Variants in MORN2 observed in about 807,000 individuals in gnomAD.
MORN2 encodes MORN repeat-containing protein 2.
In MORN2, 15 loss-of-function variants were observed where a neutral mutation model predicts 13.4. That is an observed-to-expected ratio of 1.12 (90% CI 0.75 to 1.72). The LOEUF is 1.72. MORN2 is among the 40% of genes most tolerant of loss of function. MORN2 has a pLI of 0.00. For synonymous variants in MORN2, 46 were observed against 43.6 expected (o/e 1.06, Z -0.22); for missense variants, 168 against 134.6 (o/e 1.25, Z -1.23).
rs1665751231 is a variant in MORN2 at position 38,880,595 on chromosome 2, T to G, written c.110-5T>G. 3 of 1,514,348 alleles carry G rather than the reference T, an allele frequency of 2.0e-6. No individual in the cohort carries two copies. In the South Asian group the frequency reaches 3.8e-5, roughly 19 times the overall value. The allele number at this position is 1,514,348 out of a possible 1,614,324, so 93.8% of individuals were successfully genotyped here. On this transcript the variant is annotated splice_polypyrimidine_tract_variant and splice_region_variant and intron_variant, in intron 2 of 4. Transcript: ENST00000644631. ...TATAATCTTCAGTTTTTCTCCTCTG[T>G]TTAGATGGTGACTGTACAAGAACAT...
At chr2:38,880,259 T>C in intron 2 of MORN2, 30 bp downstream of exon 2, 1 of 399,388 alleles carries the variant, frequency 2.5e-6, no homozygotes, top group Non-Finnish European at 4.4e-6. Context: ...ACTTTTTCTG[T>C]ATAGAAAATT....
At position 38,882,492 on chromosome 2, in the gene MORN2, C is replaced by A; in HGVS notation, c.433C>A (p.Leu145Met). The change falls in exon 5 of 5, where the codon CTG becomes ATG. Residue 145 changes from leucine (L) to methionine (M), a missense_variant. Transcript: ENST00000644631. ...CTTTCATTTTACAGCTGCTCCAGAC[C>A]TGAAATTAAAGCTTCACATGTAGAT... 6.5e-7 allele frequency: 1 copy of A among 1,549,860 alleles called. No individual in the cohort carries two copies. The highest frequency in any genetic ancestry group is 8.7e-7 in the Non-Finnish European group (1 of 1,145,834).
At chr2:38,881,640 T>C in intron 4 of MORN2, 62 bp downstream of exon 4, 2 of 1,216,728 alleles carry the variant, frequency 1.6e-6, no homozygotes, top group Non-Finnish European at 1.1e-6. Context: ...GTATGTTTGC[T>C]TAAATACTTA....
Position 38,881,597 on chromosome 2 carries a change from A to T in MORN2, c.353+19A>T. ...AAAATAGGTAAGCTTAAAATAAAAA[A>T]AAATCACTGCATTTCTAAAAGATTA... On this transcript the variant is annotated intron_variant, in intron 4 of 4. Coordinates refer to ENST00000644631, the MANE Select transcript of MORN2 (RefSeq NM_001145450.3). The T allele has an allele frequency of 6.8e-7, 1 of 1,467,266 alleles. No homozygotes were observed. The highest frequency in any genetic ancestry group is 9.1e-7 in the Non-Finnish European group (1 of 1,103,224). The allele number at this position is 1,467,266 out of a possible 1,614,324, so 90.9% of individuals were successfully genotyped here. A position where few individuals can be genotyped will look rare whatever the true frequency, so the allele number is the denominator to read the frequency against.
intron 1 of MORN2, among the ~76,000 whole-genome samples, chr2:38,878,026 G>A (rs1367173288): frequency 1.3e-5 from 2 of 151,944 alleles, no homozygotes; most frequent in African/African-American, 4.8e-5. Context: ...GAACTCCTAG[G>A]CTCAAGCAAC....
chr2:38,881,029 G>T (rs1462885642), intron 3 of MORN2, among the ~76,000 whole-genome samples: 2 of 152,138 alleles, frequency 1.3e-5, no homozygotes, highest in African/African-American at 2.4e-5. Flanking sequence ...TCAGGCTCAG[G>T]TTTCTTGCCC....
chr2:38,882,496 A>C lies in MORN2; in HGVS notation c.437A>C (p.Lys146Thr), dbSNP rs1203109004. The C allele has an allele frequency of 4.5e-6, 7 of 1,549,914 alleles. No homozygotes were observed. Among genetic ancestry groups the C allele is most frequent in the Non-Finnish European group, 6.1e-6 (7 of 1,145,850 alleles). Residue 146 changes from lysine (K) to threonine (T), a missense_variant, in exon 5 of 5, where the codon AAA becomes ACA. By Grantham distance (78) the Lys-to-Thr change is moderately conservative (BLOSUM62 -1). Transcript: ENST00000644631. ...CATTTTACAGCTGCTCCAGACCTGA[A>C]ATTAAAGCTTCACATGTAGATGTGA... is the stretch of plus-strand genomic sequence containing the variant.
intron 2 of MORN2, 121 bp downstream of exon 2, chr2:38,880,350 A>G (rs1665747093): frequency 5.0e-6 from 2 of 398,796 alleles, no homozygotes; most frequent in African/African-American, 2.1e-5. Context: ...AACTAAAATA[A>G]CAGAAATCCT....
chr2:38,876,836 T>G (rs1193513447), intron 1 of MORN2, among the ~76,000 whole-genome samples: 1 of 152,210 alleles, frequency 6.6e-6, no homozygotes, highest in Non-Finnish European at 1.5e-5. Context: ...TTAACTAGAT[T>G]AGCTCATTTA....
In MORN2 at chr2:38,880,635, G is replaced by T; in HGVS notation, c.145G>T (p.Glu49Ter). 1 of 1,543,478 alleles carries T rather than the reference G, an allele frequency of 6.5e-7. No homozygotes were observed. Among genetic ancestry groups the T allele is most frequent in the Non-Finnish European group, 8.7e-7 (1 of 1,144,206 alleles). ...TACAAGAACATCTTCTGGAATCTAC[G>T]AGAGAAATGGAATAGGTATTCATAC... The change falls in exon 3 of 5, where the codon GAG becomes TAG. Residue 49 changes from glutamate (E) to a stop codon, truncating the protein, a stop_gained. Transcript: ENST00000644631. LOFTEE classifies it high-confidence loss of function.
At chr2:38,882,218 TG>T (rs1445218939) in intron 4 of MORN2, among the ~76,000 whole-genome samples, 194 bp from the exon 5 acceptor site, 1 of 149,206 alleles carries the variant, frequency 6.7e-6, no homozygotes, top group African/African-American at 2.5e-5. Flanking sequence ...GAATAGTATG[TG>T]GTTTTTTTTT....
Position 38,881,383 on chromosome 2 carries a change from T to A in MORN2, c.217-59T>A, listed in dbSNP as rs1312329859. 5 of 1,448,790 alleles carry A rather than the reference T, an allele frequency of 3.5e-6. No homozygotes were observed. In the African/African-American group the frequency reaches 7.3e-5, roughly 21 times the overall value. 89.7% of individuals were successfully genotyped at this position (1,448,790 alleles called of 1,614,324 possible). On this transcript the variant is annotated intron_variant, in intron 3 of 4. Transcript: ENST00000644631. ...GATAGACTTATATTTGTACATTTTT[T>A]AAAGGTTCTTGGGAAACTGAAGATT...
chr2:38,876,615 G>A (rs1406628755), intron 1 of MORN2, among the ~76,000 whole-genome samples: 1 of 152,178 alleles, frequency 6.6e-6, no homozygotes, highest in Non-Finnish European at 1.5e-5. Context: ...GGAACTGGGT[G>A]GGATAGGGGA....
At position 38,880,616 on chromosome 2, in the gene MORN2, A is replaced by G; in HGVS notation, c.126A>G (p.Arg42=). ...TCTGTTTAGATGGTGACTGTACAAG[A>G]ACATCTTCTGGAATCTACGAGAGAA... Residue 42 remains arginine (R), a synonymous_variant, in exon 3 of 5, where the codon AGA becomes AGG. Transcript: ENST00000644631. 1 of 1,541,200 alleles carries G rather than the reference A, an allele frequency of 6.5e-7. No individual in the cohort carries two copies. The highest frequency in any genetic ancestry group is 8.8e-7 in the Non-Finnish European group (1 of 1,142,706).
intron 3 of MORN2, among the ~76,000 whole-genome samples, chr2:38,881,192 T>C (rs1183606815): frequency 6.6e-6 from 1 of 152,204 alleles, no homozygotes; most frequent in Admixed American, 6.5e-5. Context: ...AGGACCCCTA[T>C]TTATCTTCAT....
Position 38,877,632 on chromosome 2 carries a change from T to G in MORN2, c.58+1522T>G, listed in dbSNP as rs564140069. On this transcript the variant is annotated intron_variant, in intron 1 of 4. Coordinates refer to ENST00000644631, the MANE Select transcript of MORN2 (RefSeq NM_001145450.3). ...TTACCTGAGTTTTAGTTACAGATTCTTTTTTTTTCTTTTTGAGTTTTTAAT... is the reference window on the plus strand; with the variant it reads ...TTACCTGAGTTTTAGTTACAGATTCGTTTTTTTTCTTTTTGAGTTTTTAAT... 2.0e-5 allele frequency among the ~76,000 whole-genome samples: 3 copies of G among 151,492 alleles called. No individual in the cohort carries two copies. The South Asian group carries it at 6.3e-4, about 32-fold the overall frequency.
chr2:38,877,631 C>A (rs1665677982), intron 1 of MORN2, among the ~76,000 whole-genome samples: 1 of 151,094 alleles, frequency 6.6e-6, no homozygotes, highest in Non-Finnish European at 1.5e-5. Context: ...GTTACAGATT[C>A]TTTTTTTTTC....
At position 38,876,354 on chromosome 2, in the gene MORN2, T is replaced by C. The variant is rs566764179; in HGVS notation, c.58+244T>C. 5 of 386,628 alleles carry C rather than the reference T, an allele frequency of 1.3e-5. No homozygotes were observed. The Admixed American group carries it at 1.8e-4, about 14-fold the overall frequency. 23.9% of individuals were successfully genotyped at this position (386,628 alleles called of 1,614,324 possible). The stretch of plus-strand genomic sequence containing the variant: ...CCCTGGGCCTCAGTTTCCGCTATGG[T>C]GCCGGGTGGTCTCTGTGAGGTTCCC... On this transcript the variant is annotated intron_variant, in intron 1 of 4. Coordinates refer to ENST00000644631, the MANE Select transcript of MORN2 (RefSeq NM_001145450.3).
intron 2 of MORN2, 85 bp from the exon 3 acceptor site, chr2:38,880,515 C>A: frequency 1.3e-6 from 1 of 765,426 alleles, no homozygotes; most frequent in Non-Finnish European, 1.9e-6. Flanking sequence ...GCTAGGGAGC[C>A]AAAGAAACCC....
Sources: gnomAD v4.1 joint callset for allele counts (sites outside exome capture counted in the v4.1 genomes callset) on GRCh38, gnomAD v4.1.1 for gene constraint, MANE v1.5 for transcripts, NCBI Gene and HGNC (gene_info 2026-07-23, HGNC 2026-07-21) for gene names.